The following AURKC variants were observed in gnomAD, a reference collection of about 807,000 sequenced individuals.
The protein encoded by AURKC is ARK-3.
Under a neutral mutation model 29.2 loss-of-function variants are expected in AURKC, and 15 were observed. The observed-to-expected ratio is 0.51, with a 90% CI of 0.34 to 0.79. The LOEUF (loss-of-function observed/expected upper bound fraction) is 0.79. Ranked by LOEUF, AURKC falls within the 30% of genes least tolerant of loss-of-function variation. The pLI is 0.01. For missense variants in AURKC, 332 were observed against 383.2 expected (o/e 0.87, Z 1.12); for synonymous variants, 150 against 149.9 (o/e 1.00, Z -0.01).
chr19:57,231,943 T>A, intron 2 of AURKC, 90 bp from the exon 3 acceptor site: 1 of 1,603,066 alleles, frequency 6.2e-7, no homozygotes, highest in Non-Finnish European at 8.5e-7. Context: ...AAGGATACAA[T>A]GAAAGAGGAA....
rs1278468838 is a variant in AURKC, at chr19:57,231,285, G to T, written c.37G>T (p.Ala13Ser). ...SPRAVVQLGK[A>S]QPAGEELATA... The stretch of plus-strand genomic sequence containing the variant: ...CAGAGCTGTGGTGCAGCTGGGCAAA[G>T]CTCAACCTGCAGGCGAAGAGTGTGA... The change falls in exon 1 of 7, where the codon GCT (alanine) becomes TCT (serine). Residue 13 changes from alanine to serine, a missense_variant. Coordinates refer to ENST00000302804, the MANE Select transcript of AURKC (RefSeq NM_001015878.2). 3.9e-6 allele frequency: 6 copies of T among 1,552,938 alleles called. No individual in the cohort carries two copies. Among genetic ancestry groups the T allele is most frequent in the Admixed American group, 3.9e-5 (2 of 51,302 alleles).
intron 1 of AURKC, 180 bp from the exon 2 acceptor site, chr19:57,231,562 C>T (rs1004047148): frequency 4.2e-5 from 33 of 779,778 alleles, no homozygotes; most frequent in Non-Finnish European, 7.0e-5. Context: ...CTTTCTTCTT[C>T]CCCTTACCTC....
At chr19:57,231,675 C>T in intron 1 of AURKC, 67 bp from the exon 2 acceptor site, 2 of 1,587,076 alleles carry the variant, frequency 1.3e-6, no homozygotes, top group Non-Finnish European at 1.7e-6. Context: ...CTCCTCTCCT[C>T]TCTTTCTCTC....
At chr19:57,231,865 G>T in intron 2 of AURKC, 78 bp downstream of exon 2, 1 of 1,612,880 alleles carries the variant, frequency 6.2e-7, no homozygotes, top group Non-Finnish European at 8.5e-7. Context: ...GGTGTGTGGG[G>T]TGCTGGCTCC....
rs1473722989 is a variant in AURKC, at chr19:57,232,442, G to C, written c.297-100G>C. 3 of 1,576,094 alleles carry C rather than the reference G, an allele frequency of 1.9e-6. No individual in the cohort carries two copies. Among genetic ancestry groups the C allele is most frequent in the Admixed American group, 1.7e-5 (1 of 59,942 alleles). On this transcript the variant is annotated intron_variant, in intron 3 of 6. Transcript: ENST00000302804. This position sits in a 1 kb window ranked among gnomAD's most constrained non-coding sequence, Gnocchi z 4.5. Reference sequence around the variant, plus strand: ...CCCAGATAGGGCTGTTGTTATTCTGGTCCCAGCATAATTTGCCACTTGTGT... The same window carrying C: ...CCCAGATAGGGCTGTTGTTATTCTGCTCCCAGCATAATTTGCCACTTGTGT...
At chr19:57,233,748 TC>T (rs1269740457) in intron 5 of AURKC, 140 bp downstream of exon 5, 1 of 1,236,198 alleles carries the variant, frequency 8.1e-7, no homozygotes, top group African/African-American at 1.5e-5. Flanking sequence ...TCTTTTCTTT[TC>T]TTTTCTTTTT....
At chr19:57,231,511 CTCT>C (rs2087489431) in intron 1 of AURKC, 4 of 748,508 alleles carry the variant, frequency 5.3e-6, no homozygotes, top group East Asian at 2.7e-5. Flanking sequence ...TTCTCTCTGC[CTCT>C]TCTTCACCTC....
Position 57,232,354 on chromosome 19 carries a change from C to T in AURKC, c.296+130C>T. 7.2e-7 allele frequency: 1 copy of T among 1,391,952 alleles called. No individual in the cohort carries two copies. The highest frequency in any genetic ancestry group is 1.0e-6 in the Non-Finnish European group (1 of 1,002,086). The allele number at this position is 1,391,952 out of a possible 1,614,324, so 86.2% of individuals were successfully genotyped here. ...TCTGCAGTTCATTCCATTTACACTA[C>T]CTCCTACCCTGGGTCAGACACTCGA... On this transcript the variant is annotated intron_variant, in intron 3 of 6. Coordinates refer to ENST00000302804, the MANE Select transcript of AURKC (RefSeq NM_001015878.2). This position sits in a 1 kb window ranked among gnomAD's most constrained non-coding sequence, Gnocchi z 4.5.
chr19:57,231,955 G>C (rs1599971727), intron 2 of AURKC, 78 bp from the exon 3 acceptor site: 1 of 1,602,778 alleles, frequency 6.2e-7, no homozygotes, highest in East Asian at 2.2e-5. Context: ...AAAGAGGAAG[G>C]GGAGCATTGG....
intron 5 of AURKC, 142 bp from the exon 6 acceptor site, chr19:57,234,742 T>A: frequency 1.1e-6 from 1 of 873,180 alleles, no homozygotes; most frequent in Non-Finnish European, 1.8e-6. Context: ...TATTAAAAAT[T>A]TGTCTCTCCA....
chr19:57,232,860 T>G lies in AURKC; in HGVS notation c.435+180T>G, dbSNP rs73633662. ...CAGCTTTATCCTTGGATACCCTAATTAACCTCATTGTATCTCCAGAATATT... is the reference window on the plus strand; with the variant it reads ...CAGCTTTATCCTTGGATACCCTAATGAACCTCATTGTATCTCCAGAATATT... On this transcript the variant is annotated intron_variant, in intron 4 of 6. Coordinates refer to ENST00000302804, the MANE Select transcript of AURKC (RefSeq NM_001015878.2). This position sits in a 1 kb window ranked among gnomAD's most constrained non-coding sequence, Gnocchi z 4.5. Among the ~76,000 whole-genome samples the G allele has an allele frequency of 2.1e-3, 314 of 152,298 alleles. 3 individuals are homozygous for G. Among genetic ancestry groups the G allele is most frequent in the African/African-American group, 7.2e-3 (301 of 41,574 alleles).
At chr19:57,233,721 T>C (rs2087517598) in intron 5 of AURKC, 113 bp downstream of exon 5, 1 of 1,406,284 alleles carries the variant, frequency 7.1e-7, no homozygotes, top group Non-Finnish European at 1.0e-6. Flanking sequence ...GGGGTTTCTA[T>C]TGGAATACTG....
In AURKC at chr19:57,231,172, C is replaced by T; in HGVS notation, c.-77C>T. On this transcript the variant is annotated 5_prime_UTR_variant, in exon 1 of 7. Coordinates refer to ENST00000302804, the MANE Select transcript of AURKC (RefSeq NM_001015878.2). ...CCCCGGCCAGAAAGTGACCCCCCACCCCTTTCAGGACCCTGTGAACGGGAA... is the reference window on the plus strand; with the variant it reads ...CCCCGGCCAGAAAGTGACCCCCCACTCCTTTCAGGACCCTGTGAACGGGAA... 2 of 1,551,450 alleles carry T rather than the reference C, an allele frequency of 1.3e-6. No individual in the cohort carries two copies. Among genetic ancestry groups the T allele is most frequent in the Non-Finnish European group, 1.7e-6 (2 of 1,146,836 alleles).
chr19:57,231,630 C>T, intron 1 of AURKC, 112 bp from the exon 2 acceptor site: 1 of 1,212,370 alleles, frequency 8.2e-7, no homozygotes, highest in Non-Finnish European at 1.2e-6. Context: ...CCTTCTTCCC[C>T]TCACCTCTCG....
Position 57,231,231 on chromosome 19 carries a change from C to G in AURKC, c.-18C>G. 1 of 1,551,796 alleles carries G rather than the reference C, an allele frequency of 6.4e-7. No homozygotes were observed. The highest frequency in any genetic ancestry group is 1.2e-5 in the South Asian group (1 of 84,062). On this transcript the variant is annotated 5_prime_UTR_variant, in exon 1 of 7. Coordinates refer to ENST00000302804, the MANE Select transcript of AURKC (RefSeq NM_001015878.2). ...CAGAGGGTTCAGGAAGGCGTCCGCG[C>G]CCTCACCTCTTCTCCCCATGAGCTC...
Position 57,232,037 on chromosome 19 carries a change from C to T in AURKC, c.109C>T (p.Arg37Cys), listed in dbSNP as rs768412496. The stretch of plus-strand genomic sequence containing the variant: ...TTTTTCTTCCTCTCCTGTCAGGCGG[C>T]GCCTCACAGTCGATGACTTTGAAAT... Reference protein sequence around the residue: ...AQQPSSPAMRRLTVDDFEIGR... With the variant: ...AQQPSSPAMRCLTVDDFEIGR... Residue 37 changes from arginine (R) to cysteine (C), a missense_variant, in exon 3 of 7, where the codon CGC becomes TGC. Physicochemically the swap from Arg to Cys is radical, Grantham distance 180. Coordinates refer to ENST00000302804, the MANE Select transcript of AURKC (RefSeq NM_001015878.2). This position sits in a 1 kb window ranked among gnomAD's most constrained non-coding sequence, Gnocchi z 4.5. 4 of 1,613,956 alleles carry T rather than the reference C, an allele frequency of 2.5e-6. No homozygotes were observed. Among genetic ancestry groups the T allele is most frequent in the African/African-American group, 2.7e-5 (2 of 74,900 alleles).
chr19:57,231,050 G>C lies in AURKC; in HGVS notation c.-199G>C. Reference sequence around the variant, plus strand: ...GCGGTTGGTGCCGGGTATAAAAGAAGGCCGCGCAGCCACGGCTGCTCACGA... The same window carrying C: ...GCGGTTGGTGCCGGGTATAAAAGAACGCCGCGCAGCCACGGCTGCTCACGA... On this transcript the variant is annotated 5_prime_UTR_variant, in exon 1 of 7. Coordinates refer to ENST00000302804, the MANE Select transcript of AURKC (RefSeq NM_001015878.2). 7.7e-7 allele frequency: 1 copy of C among 1,303,296 alleles called. No individual in the cohort carries two copies. Among genetic ancestry groups the C allele is most frequent in the East Asian group, 2.5e-5 (1 of 40,016 alleles). 80.7% of individuals were successfully genotyped at this position (1,303,296 alleles called of 1,614,324 possible).
At position 57,234,771 on chromosome 19, in the gene AURKC, G is replaced by T. The variant is rs1465763419; in HGVS notation, c.585-113G>T. On this transcript the variant is annotated intron_variant, in intron 5 of 6. Transcript: ENST00000302804. ...CTCTCCAAACTCCTGTGCTTGGGAG[G>T]GACTTTCCAGGGTGTCCTAGGGTCT... 40 of 1,315,060 alleles carry T rather than the reference G, an allele frequency of 3.0e-5. No homozygotes were observed. In the South Asian group the frequency reaches 4.8e-4, roughly 16 times the overall value. The allele number at this position is 1,315,060 out of a possible 1,614,324, so 81.5% of individuals were successfully genotyped here.
At position 57,231,171 on chromosome 19, in the gene AURKC, C is replaced by T. The variant is rs1271870039; in HGVS notation, c.-78C>T. 10 of 1,551,102 alleles carry T rather than the reference C, an allele frequency of 6.4e-6. No homozygotes were observed. In the Admixed American group the frequency reaches 9.8e-5, roughly 15 times the overall value. On this transcript the variant is annotated 5_prime_UTR_variant, in exon 1 of 7. Transcript: ENST00000302804. Reference sequence around the variant, plus strand: ...GCCCCGGCCAGAAAGTGACCCCCCACCCCTTTCAGGACCCTGTGAACGGGA... The same window carrying T: ...GCCCCGGCCAGAAAGTGACCCCCCATCCCTTTCAGGACCCTGTGAACGGGA...
Sources: gnomAD v4.1 joint callset for allele counts (sites outside exome capture counted in the v4.1 genomes callset) on GRCh38, gnomAD v4.1.1 for gene constraint, Gnocchi (gnomAD v3.1) non-coding constraint, MANE v1.5 for transcripts, NCBI Gene and HGNC (gene_info 2026-07-23, HGNC 2026-07-21) for gene names.